The following COL4A1 variants were observed in gnomAD, a reference collection of about 807,000 sequenced individuals.
COL4A1 encodes the protein collagen type IV alpha 1 chain.
In COL4A1, 40 loss-of-function variants were observed where a neutral mutation model predicts 216.6. The ratio of observed to expected loss-of-function variants is 0.18; its 90% confidence interval spans 0.14 to 0.24. The LOEUF (loss-of-function observed/expected upper bound fraction) is 0.24, where lower values mean the gene tolerates loss of function less well. COL4A1 is among the 10% of genes least tolerant of loss of function. COL4A1 has a pLI of 1.00. For missense variants in COL4A1, 1,628 were observed against 2,196.8 expected, an observed-to-expected ratio of 0.74 and a Z score of 5.18; for synonymous variants, 839 against 810.7, an observed-to-expected ratio of 1.03 and a Z score of -0.59.
chr13:110,276,449 TGTACC>T (rs2139295380), intron 1 of COL4A1, among the ~76,000 whole-genome samples: 1 of 152,272 alleles, frequency 6.6e-6, no homozygotes, highest in African/African-American at 2.4e-5. Flanking sequence ...TGATTCTCGT[TGTACC>T]GCCAAATCCA....
chr13:110,273,189 C>A (rs537954268), intron 1 of COL4A1, among the ~76,000 whole-genome samples: 4 of 152,336 alleles, frequency 2.6e-5, no homozygotes, highest in African/African-American at 9.6e-5. Context: ...ATGAATTCAG[C>A]AATGTCCATT....
chr13:110,201,328 AAGGAGGAGGAGGAAC>A (rs1388574430), intron 19 of COL4A1, 95 bp downstream of exon 19: 17 of 667,158 alleles, frequency 2.5e-5, no homozygotes, highest in South Asian at 1.7e-4. Context: ...GGGGAGGAGG[AAGGAGGAGGAGGAAC>A]AGGAGGAGGA....
intron 1 of COL4A1, among the ~76,000 whole-genome samples, chr13:110,250,732 T>C (rs1262979849): frequency 6.6e-6 from 1 of 152,156 alleles, no homozygotes; most frequent in Non-Finnish European, 1.5e-5. Context: ...GAAACACTGT[T>C]GGGAGGCATG....
intron 41 of COL4A1, 98 bp downstream of exon 41, chr13:110,172,622 A>G: frequency 2.5e-6 from 3 of 1,210,090 alleles, no homozygotes; most frequent in Non-Finnish European, 3.7e-6. Flanking sequence ...TGCCTGGCCA[A>G]CAGGCATGGG....
At chr13:110,238,181 G>A (rs988859058) in intron 2 of COL4A1, among the ~76,000 whole-genome samples, 43 of 152,180 alleles carry the variant, frequency 2.8e-4, no homozygotes, top group African/African-American at 8.9e-4. Context: ...TATCTTTGCT[G>A]AGGATCTGGG....
chr13:110,293,094 T>G (rs1443919965), intron 1 of COL4A1, among the ~76,000 whole-genome samples: 2 of 152,218 alleles, frequency 1.3e-5, no homozygotes, highest in Non-Finnish European at 2.9e-5. Context: ...AAATGCTGGA[T>G]TCCATTCAAG....
At chr13:110,255,890 A>C (rs1299248988) in intron 1 of COL4A1, among the ~76,000 whole-genome samples, 2 of 80,120 alleles carry the variant, frequency 2.5e-5, no homozygotes, top group Non-Finnish European at 5.0e-5. Context: ...AGGGAGGGGG[A>C]AGGCAGGAAG....
intron 1 of COL4A1, among the ~76,000 whole-genome samples, chr13:110,264,801 C>G (rs893067293): frequency 2.0e-5 from 3 of 152,110 alleles, no homozygotes; most frequent in African/African-American, 7.2e-5. Context: ...CCTTCCTCTC[C>G]CCTTACTCAG....
chr13:110,202,069 G>A (rs186031076), intron 18 of COL4A1, among the ~76,000 whole-genome samples: 460 of 152,228 alleles, frequency 3.0e-3, no homozygotes, highest in Non-Finnish European at 3.9e-3. Context: ...CCAGGCAGGC[G>A]GTTCTGCTTC....
At chr13:110,151,374 A>T (rs996021685) in intron 51 of COL4A1, among the ~76,000 whole-genome samples, 1 of 152,154 alleles carries the variant, frequency 6.6e-6, no homozygotes, top group African/African-American at 2.4e-5. Flanking sequence ...AGGCATGAAC[A>T]AAGTGCGCTC....
chr13:110,200,752 T>C lies in COL4A1; in HGVS notation c.1120+102A>G, dbSNP rs1431554468. The stretch of plus-strand genomic sequence containing the variant: ...AAGATGTCGTAAGATTGCTACCGAT[T>C]GTGTGCAAATATCTAACATTCGTGA... On this transcript the variant is annotated intron_variant, in intron 20 of 51. Transcript: ENST00000375820. 2.4e-6 allele frequency: 3 copies of C among 1,231,680 alleles called. No individual in the cohort carries two copies. The East Asian group carries it at 7.1e-5, about 29-fold the overall frequency. The allele number at this position is 1,231,680 out of a possible 1,614,324, so 76.3% of individuals were successfully genotyped here.
intron 12 of COL4A1, among the ~76,000 whole-genome samples, chr13:110,208,640 G>C (rs1246000435): frequency 6.6e-6 from 1 of 152,150 alleles, no homozygotes; most frequent in Non-Finnish European, 1.5e-5. Context: ...AGATCACAGA[G>C]CACTTCCATA....
intron 1 of COL4A1, among the ~76,000 whole-genome samples, chr13:110,276,789 C>T (rs1883448235): frequency 6.6e-6 from 1 of 152,192 alleles, no homozygotes; most frequent in African/African-American, 2.4e-5. Context: ...CAGTTCAAAA[C>T]TCTGCAGTAT....
At chr13:110,241,822 G>A (rs373962299) in intron 2 of COL4A1, among the ~76,000 whole-genome samples, 6 of 152,298 alleles carry the variant, frequency 3.9e-5, no homozygotes, top group African/African-American at 1.4e-4. Context: ...AAAACCTCTG[G>A]CATGCCGGGG....
At chr13:110,246,465 A>C (rs1881817748) in intron 1 of COL4A1, among the ~76,000 whole-genome samples, 1 of 152,190 alleles carries the variant, frequency 6.6e-6, no homozygotes, top group Non-Finnish European at 1.5e-5. Flanking sequence ...ACTGTTGTAA[A>C]TTACTGTGTT....
At chr13:110,174,775 A>G in intron 37 of COL4A1, 26 bp from the exon 38 acceptor site, 1 of 1,610,116 alleles carries the variant, frequency 6.2e-7, no homozygotes, top group Non-Finnish European at 8.5e-7. Context: ...AGGCATATTA[A>G]CTTTACATTT....
At chr13:110,276,395 G>A (rs1883432543) in intron 1 of COL4A1, among the ~76,000 whole-genome samples, 1 of 152,128 alleles carries the variant, frequency 6.6e-6, no homozygotes, top group Non-Finnish European at 1.5e-5. Context: ...ATGTTCATGA[G>A]CCTCCTGTTA....
At position 110,174,461 on chromosome 13, in the gene COL4A1, C is replaced by T. The variant is rs781542860; in HGVS notation, c.3391G>A (p.Val1131Ile). The change falls in exon 39 of 52, where the codon GTC becomes ATC. Residue 1131 changes from valine (V) to isoleucine (I), a missense_variant. Physicochemically the swap from Val to Ile is conservative, Grantham distance 29. Transcript: ENST00000375820. Reference protein sequence around the residue: ...GLPGLDGIPGVKGEAGLPGTP... With the variant: ...GLPGLDGIPGIKGEAGLPGTP... ...GGCCCTCTACCTGCTTCTCCTTTGA[C>T]ACCAGGGATGCCATCCAATCCTGGG... 2 of 1,614,054 alleles carry T rather than the reference C, an allele frequency of 1.2e-6. No homozygotes were observed. Among genetic ancestry groups the T allele is most frequent in the Admixed American group, 3.3e-5 (2 of 60,030 alleles).
chr13:110,306,813 A>T, intron 1 of COL4A1, 131 bp downstream of exon 1: 1 of 777,608 alleles, frequency 1.3e-6, no homozygotes, highest in Non-Finnish European at 1.8e-6. Flanking sequence ...CCCGGCCCAG[A>T]GAATGCACCT....
Sources: gnomAD v4.1 joint callset for allele counts (sites outside exome capture counted in the v4.1 genomes callset) on GRCh38, gnomAD v4.1.1 for gene constraint, MANE v1.5 for transcripts, NCBI Gene and HGNC (gene_info 2026-07-23, HGNC 2026-07-21) for gene names.